The following TENM3 variants were observed in gnomAD, a reference collection of about 807,000 sequenced individuals.
TENM3 encodes the protein teneurin transmembrane protein 3.
TENM3 carries 63 observed loss-of-function variants against 255.1 expected under a neutral mutation model. The observed-to-expected ratio is 0.25, with a 90% CI of 0.20 to 0.30. The LOEUF (loss-of-function observed/expected upper bound fraction) is 0.30. TENM3 is among the 10% of genes least tolerant of loss of function. The pLI, the probability that TENM3 is intolerant of heterozygous loss-of-function variation, is 1.00. For synonymous variants in TENM3, 1,306 were observed against 1,322.3 expected (o/e 0.99, Z 0.27); for missense variants, 2,929 against 3,461.1 (o/e 0.85, Z 3.86).
intron 24 of TENM3, among the ~76,000 whole-genome samples, chr4:182,778,470 A>T (rs1349211658): frequency 2.0e-5 from 3 of 152,194 alleles, no homozygotes; most frequent in African/African-American, 7.2e-5. Context: ...GCAGGCACAC[A>T]AAACAACCTG....
chr4:181,553,333 TATACAC>T, the TENM3 span, among the ~76,000 whole-genome samples: 6 of 124,368 alleles, frequency 4.8e-5, no homozygotes, highest in African/African-American at 8.7e-5. Context: ...TATATATATA[TATACAC>T]ACACACACAC....
At chr4:181,452,077 G>A in the TENM3 span, among the ~76,000 whole-genome samples, 3 of 152,036 alleles carry the variant, frequency 2.0e-5, no homozygotes, top group South Asian at 2.1e-4. Context: ...CTAAAAGCGC[G>A]GTGAGATGAA....
chr4:182,388,015 A>T (rs1768113221), intron 3 of TENM3, among the ~76,000 whole-genome samples: 1 of 151,918 alleles, frequency 6.6e-6, no homozygotes. Context: ...TCCATGGTTA[A>T]GCAAACGTGT....
chr4:182,458,438 G>T (rs905501162), intron 3 of TENM3, among the ~76,000 whole-genome samples: 1 of 152,058 alleles, frequency 6.6e-6, no homozygotes, highest in African/African-American at 2.4e-5. Context: ...AAAACCTTCC[G>T]GTTAGGAAGT....
At chr4:181,999,196 A>G in the TENM3 span, among the ~76,000 whole-genome samples, 1 of 152,128 alleles carries the variant, frequency 6.6e-6, no homozygotes. Context: ...GATTTCATTT[A>G]CTGCTCCATA....
intron 1 of TENM3, among the ~76,000 whole-genome samples, chr4:182,171,532 T>C (rs567854889): frequency 6.6e-6 from 1 of 152,278 alleles, no homozygotes; most frequent in South Asian, 2.1e-4. Flanking sequence ...GGCACAATCA[T>C]AGCTCTCTGT....
chr4:182,681,180 C>T lies in TENM3; in HGVS notation c.1834+443C>T, dbSNP rs570019379. On this transcript the variant is annotated intron_variant, in intron 10 of 27. Coordinates refer to ENST00000511685, the MANE Select transcript of TENM3 (RefSeq NM_001080477.4). ...GCTGTATACGTATAATGATGAGAGT[C>T]GAGATACCATACTGTAAAGTGCAGG... 6.5e-4 allele frequency among the ~76,000 whole-genome samples: 99 copies of T among 152,106 alleles called. 2 individuals are homozygous for T. In the South Asian group the frequency reaches 0.018, roughly 28 times the overall value.
intron 3 of TENM3, among the ~76,000 whole-genome samples, chr4:182,547,203 A>T (rs539350847): frequency 6.8e-4 from 103 of 152,238 alleles, no homozygotes; most frequent in Middle Eastern, 3.4e-3. Flanking sequence ...CTCCCAACTT[A>T]GTACAAAAAA....
At chr4:181,675,020 T>G in the TENM3 span, among the ~76,000 whole-genome samples, 1 of 152,150 alleles carries the variant, frequency 6.6e-6, no homozygotes, top group East Asian at 1.9e-4. Flanking sequence ...AAGTAAAATC[T>G]ACTTGACAAT....
chr4:182,161,692 TATATATGTATATATATAC>T (rs1751234114), intron 1 of TENM3, among the ~76,000 whole-genome samples: 1 of 111,540 alleles, frequency 9.0e-6, no homozygotes, highest in Non-Finnish European at 1.7e-5. Flanking sequence ...TATACACAAA[TATATATGTATATATATAC>T]ATATATATGT....
chr4:181,548,870 G>A, the TENM3 span, among the ~76,000 whole-genome samples: 41,587 of 152,002 alleles, frequency 0.27, 6,218 homozygotes, highest in African/African-American at 0.39. Context: ...AGGGTTTACA[G>A]GAGGCAAATA....
chr4:182,703,533 C>G (rs1436129326), intron 12 of TENM3, among the ~76,000 whole-genome samples: 2 of 152,192 alleles, frequency 1.3e-5, no homozygotes, highest in African/African-American at 4.8e-5. Context: ...GTGTCACCAG[C>G]ATCAGCTCAT....
At position 182,262,866 on chromosome 4, in the gene TENM3, A is replaced by C. The variant is rs1025576032; in HGVS notation, c.-76+19390A>C. ...GCAGCTGGGACTACAGGCACCCACCACCACGCCCGGCTAATTGTTTGTATT... is the reference window on the plus strand; with the variant it reads ...GCAGCTGGGACTACAGGCACCCACCCCCACGCCCGGCTAATTGTTTGTATT... On this transcript the variant is annotated intron_variant, in intron 1 of 27. Coordinates refer to ENST00000511685, the MANE Select transcript of TENM3 (RefSeq NM_001080477.4). 1.3e-5 allele frequency among the ~76,000 whole-genome samples: 2 copies of C among 151,190 alleles called. 1 individual carries two copies. The highest frequency in any genetic ancestry group is 4.2e-4 in the South Asian group (2 of 4,790).
At chr4:182,125,366 A>T in the TENM3 span, among the ~76,000 whole-genome samples, 1 of 152,252 alleles carries the variant, frequency 6.6e-6, no homozygotes, top group Non-Finnish European at 1.5e-5. Context: ...CTAGCAATGC[A>T]GATCTGCCAA....
chr4:182,333,403 T>A (rs893560984), intron 2 of TENM3, among the ~76,000 whole-genome samples: 19 of 152,192 alleles, frequency 1.2e-4, no homozygotes, highest in African/African-American at 4.3e-4. Flanking sequence ...TGGTTACTAA[T>A]CCTTGCTGAA....
chr4:181,862,317 A>G, the TENM3 span, among the ~76,000 whole-genome samples: 1 of 152,204 alleles, frequency 6.6e-6, no homozygotes, highest in South Asian at 2.1e-4. Context: ...ATAAACTAAA[A>G]CCATTTTCCC....
intron 1 of TENM3, among the ~76,000 whole-genome samples, chr4:182,263,672 TC>T (rs1759030893): frequency 6.6e-6 from 1 of 152,220 alleles, no homozygotes; most frequent in Admixed American, 6.5e-5. Flanking sequence ...TCCTCTGGCC[TC>T]CCTGAGCATT....
chr4:182,482,763 C>A (rs1734320918), intron 3 of TENM3, among the ~76,000 whole-genome samples: 1 of 152,146 alleles, frequency 6.6e-6, no homozygotes, highest in Admixed American at 6.5e-5. Context: ...GTAGGTATTA[C>A]ACAGGAATAT....
the TENM3 span, among the ~76,000 whole-genome samples, chr4:182,087,691 C>A: frequency 6.6e-6 from 1 of 151,620 alleles, no homozygotes; most frequent in Non-Finnish European, 1.5e-5. Context: ...GAATCGCTCT[C>A]CATTCGGGGA....
Sources: allele counts gnomAD v4.1 joint callset (sites outside exome capture counted in the v4.1 genomes callset), GRCh38; gene constraint gnomAD v4.1.1; transcripts MANE v1.5; gene names NCBI Gene and HGNC (gene_info 2026-07-23, HGNC 2026-07-21).